SNTG2: variants seen among roughly 807,000 people sequenced by gnomAD.
The protein encoded by SNTG2 is gamma-2-syntrophin.
In SNTG2, 74 loss-of-function variants were observed where a neutral mutation model predicts 70.9. The ratio of observed to expected loss-of-function variants is 1.04; its 90% CI spans 0.86 to 1.27. SNTG2 has a LOEUF of 1.27. Among genes scored for constraint, SNTG2 ranks in the 50% most tolerant of loss-of-function variants. SNTG2 has a pLI of 0.00. For synonymous variants in SNTG2, 278 were observed against 273.8 expected (o/e 1.02, Z -0.15); for missense variants, 717 against 690.7 (o/e 1.04, Z -0.43).
At chr2:959,985 C>T (rs961757239) in intron 1 of SNTG2, among the ~76,000 whole-genome samples, 2 of 151,998 alleles carry the variant, frequency 1.3e-5, no homozygotes, top group Admixed American at 6.6e-5. Context: ...TTAAACTCAT[C>T]CTCAAGATAG....
At chr2:1,019,378 G>C (rs1660030793) in intron 1 of SNTG2, among the ~76,000 whole-genome samples, 2 of 152,156 alleles carry the variant, frequency 1.3e-5, no homozygotes, top group South Asian at 4.2e-4. Flanking sequence ...ATGTCATGCA[G>C]GGTTGAGTGG....
At chr2:1,225,339 A>G (rs1675698758) in intron 9 of SNTG2, among the ~76,000 whole-genome samples, 1 of 152,200 alleles carries the variant, frequency 6.6e-6, no homozygotes, top group African/African-American at 2.4e-5. Context: ...TTAGTAATCT[A>G]TGTGTTATCC....
intron 1 of SNTG2, among the ~76,000 whole-genome samples, chr2:1,046,418 A>G (rs1661739675): frequency 6.6e-6 from 1 of 152,066 alleles, no homozygotes; most frequent in Admixed American, 6.6e-5. Flanking sequence ...GGTAGTTGTT[A>G]TGTAGATTTG....
chr2:1,321,369 G>A lies in SNTG2; in HGVS notation c.1488+4994G>A, dbSNP rs147754188. ...TTTCACTCTATAATGATCTGTGAGA[G>A]TAAACCCCACTGAAAATTACGCCTC... On this transcript the variant is annotated intron_variant, in intron 16 of 16. Coordinates refer to ENST00000308624, the MANE Select transcript of SNTG2 (RefSeq NM_018968.4). Among the ~76,000 whole-genome samples the A allele has an allele frequency of 4.2e-3, 638 of 152,250 alleles. 3 individuals carry two copies. Among genetic ancestry groups the A allele is most frequent in the African/African-American group, 0.014 (600 of 41,530 alleles).
intron 8 of SNTG2, among the ~76,000 whole-genome samples, chr2:1,200,004 A>C (rs2147965112): frequency 6.6e-6 from 1 of 152,154 alleles, no homozygotes; most frequent in Admixed American, 6.5e-5. Context: ...TTACAGAAAT[A>C]GAAGATATAA....
intron 1 of SNTG2, among the ~76,000 whole-genome samples, chr2:972,570 C>CCCAGAT (rs1382441699): frequency 6.6e-6 from 1 of 152,144 alleles, no homozygotes; most frequent in Non-Finnish European, 1.5e-5. Context: ...TGTGTCCCCA[C>CCCAGAT]CCAAATCTCA....
intron 1 of SNTG2, among the ~76,000 whole-genome samples, chr2:962,493 G>C (rs191869457): frequency 1.3e-5 from 2 of 152,210 alleles, no homozygotes; most frequent in East Asian, 3.9e-4. Flanking sequence ...TGTGTCCTTC[G>C]CTGTATCCAG....
chr2:997,982 G>A (rs1401774750), intron 1 of SNTG2, among the ~76,000 whole-genome samples: 2 of 152,142 alleles, frequency 1.3e-5, no homozygotes, highest in Admixed American at 1.3e-4. Context: ...GAGGCTGTTA[G>A]CCTACTCACC....
chr2:978,283 G>A (rs1017167854), intron 1 of SNTG2, among the ~76,000 whole-genome samples: 2 of 152,178 alleles, frequency 1.3e-5, no homozygotes, highest in Non-Finnish European at 2.9e-5. Flanking sequence ...CTCAGTATAC[G>A]TGGAAAATAG....
chr2:999,506 A>C (rs1661797417), intron 1 of SNTG2, among the ~76,000 whole-genome samples: 1 of 152,096 alleles, frequency 6.6e-6, no homozygotes, highest in Admixed American at 6.5e-5. Flanking sequence ...CTAATATCAG[A>C]TAAAACAGGC....
Position 999,749 on chromosome 2 carries a change from T to C in SNTG2, c.72+48681T>C, listed in dbSNP as rs553223391. Among the ~76,000 whole-genome samples the C allele has an allele frequency of 2.1e-3, 325 of 152,000 alleles. 1 individual carries two copies. Among genetic ancestry groups the C allele is most frequent in the African/African-American group, 6.5e-3 (272 of 41,528 alleles). On this transcript the variant is annotated intron_variant, in intron 1 of 16. Coordinates refer to ENST00000308624, the MANE Select transcript of SNTG2 (RefSeq NM_018968.4). ...ATTGAGATTGAAAATCAACTAAAAATTAGCGGACTAAAATTTGTGGACCAG... is the reference window on the plus strand; with the variant it reads ...ATTGAGATTGAAAATCAACTAAAAACTAGCGGACTAAAATTTGTGGACCAG...
At chr2:1,225,638 T>C (rs1675722446) in intron 9 of SNTG2, among the ~76,000 whole-genome samples, 1 of 152,192 alleles carries the variant, frequency 6.6e-6, no homozygotes, top group Non-Finnish European at 1.5e-5. Flanking sequence ...GTCATTCCTG[T>C]GCACACTCAG....
chr2:1,218,199 A>G (rs1180394560), intron 9 of SNTG2, among the ~76,000 whole-genome samples: 1 of 152,086 alleles, frequency 6.6e-6, no homozygotes, highest in African/African-American at 2.4e-5. Flanking sequence ...TCTGACCTCT[A>G]GACCCAGACG....
intron 13 of SNTG2, among the ~76,000 whole-genome samples, chr2:1,261,645 C>T (rs1678420086): frequency 6.6e-6 from 1 of 152,126 alleles, no homozygotes; most frequent in Non-Finnish European, 1.5e-5. Flanking sequence ...ATCCTCTCAA[C>T]CTAAAGATAC....
At chr2:1,116,910 T>TCTGGTGTGTGGGTGCC (rs1572481812) in intron 4 of SNTG2, among the ~76,000 whole-genome samples, 2 of 122,162 alleles carry the variant, frequency 1.6e-5, no homozygotes, top group African/African-American at 3.4e-5. Flanking sequence ...GTGTGGGTGC[T>TCTGGTGTGTGGGTGCC]CTGGTGTGTG....
intron 2 of SNTG2, among the ~76,000 whole-genome samples, chr2:1,090,823 T>C (rs180975651): frequency 1.3e-5 from 2 of 152,278 alleles, no homozygotes; most frequent in East Asian, 3.9e-4. Context: ...AGGAAAGTCA[T>C]AGACCAGTTA....
chr2:1,084,313 A>T (rs897498831), intron 2 of SNTG2, among the ~76,000 whole-genome samples: 1 of 152,186 alleles, frequency 6.6e-6, no homozygotes, highest in Non-Finnish European at 1.5e-5. Context: ...TGCAGATGTT[A>T]GCAAAGTATG....
chr2:1,063,251 C>T (rs1662939255), intron 1 of SNTG2, among the ~76,000 whole-genome samples: 1 of 152,192 alleles, frequency 6.6e-6, no homozygotes, highest in Non-Finnish European at 1.5e-5. Flanking sequence ...CTGCCGGGCT[C>T]CTCACAGATG....
rs367873588 is a variant in SNTG2, at chr2:1,111,409, A to G, written c.325+12999A>G. On this transcript the variant is annotated intron_variant, in intron 4 of 16. Transcript: ENST00000308624. ...ACGGCCGGGCCCCTCTTACCTTTGC[A>G]GGGTCCCTGCTGTTGAGATTAGGAC... 7.2e-5 allele frequency among the ~76,000 whole-genome samples: 11 copies of G among 152,304 alleles called. No homozygotes were observed. The South Asian group carries it at 1.2e-3, about 17-fold the overall frequency.
Sources: gnomAD v4.1 joint callset for allele counts (sites outside exome capture counted in the v4.1 genomes callset) on GRCh38, gnomAD v4.1.1 for gene constraint, MANE v1.5 for transcripts, NCBI Gene and HGNC (gene_info 2026-07-23, HGNC 2026-07-21) for gene names.